Variants in ATP5MC3 observed in about 807,000 individuals in gnomAD.
ATP5MC3 encodes the protein ATP synthase F(0) complex subunit C3, mitochondrial.
A neutral mutation model predicts 15.6 loss-of-function variants in ATP5MC3; 6 were observed. That is an observed-to-expected ratio of 0.38 (90% confidence interval 0.21 to 0.76). The LOEUF is 0.76. ATP5MC3 is among the 30% of genes least tolerant of loss of function. ATP5MC3 has a pLI of 0.44. For synonymous variants in ATP5MC3, 66 were observed against 63.3 expected (o/e 1.04, Z -0.20); for missense variants, 132 against 171.2 (o/e 0.77, Z 1.28).
intron 4 of ATP5MC3, chr2:175,178,817 T>G: frequency 8.9e-7 from 1 of 1,117,418 alleles, no homozygotes; most frequent in Non-Finnish European, 1.1e-6. Context: ...TTTCTGACAT[T>G]TACTAGCTAT....
intron 3 of ATP5MC3, 40 bp from the exon 4 acceptor site, chr2:175,179,290 C>T (rs1700735172): frequency 6.5e-7 from 1 of 1,547,288 alleles, no homozygotes; most frequent in African/African-American, 1.4e-5. Flanking sequence ...GTATCAGTAA[C>T]CACAGGTAGC....
rs1700770997 is a variant in ATP5MC3 at position 175,181,446 on chromosome 2, G to A, written c.-53C>T. 1 of 1,607,346 alleles carries A rather than the reference G, an allele frequency of 6.2e-7. No individual in the cohort carries two copies. Among genetic ancestry groups the A allele is most frequent in the Non-Finnish European group, 8.5e-7 (1 of 1,175,962 alleles). On this transcript the variant is annotated 5_prime_UTR_variant, in exon 2 of 5. Coordinates refer to ENST00000284727, the MANE Select transcript of ATP5MC3 (RefSeq NM_001689.5). ...GAGATATTGGGTGACAGGCGACGTG[G>A]GCTCCTCTCCCGCTTCCTCTCTGCG...
At position 175,181,472 on chromosome 2, in the gene ATP5MC3, G is replaced by A. The variant is rs906765319; in HGVS notation, c.-73-6C>T. 4 of 1,568,134 alleles carry A rather than the reference G, an allele frequency of 2.6e-6. No individual in the cohort carries two copies. Among genetic ancestry groups the A allele is most frequent in the African/African-American group, 1.3e-5 (1 of 74,096 alleles). On this transcript the variant is annotated splice_region_variant and splice_polypyrimidine_tract_variant and intron_variant, in intron 1 of 4. Coordinates refer to ENST00000284727, the MANE Select transcript of ATP5MC3 (RefSeq NM_001689.5). Reference sequence around the variant, plus strand: ...GCTCCTCTCCCGCTTCCTCTCTGCGGAGGAAAAGAGGCTTAAGGTCAAGTG... The same window carrying A: ...GCTCCTCTCCCGCTTCCTCTCTGCGAAGGAAAAGAGGCTTAAGGTCAAGTG...
At position 175,178,431 on chromosome 2, in the gene ATP5MC3, T is replaced by C. The variant is rs139853278; in HGVS notation, c.315-29A>G. On this transcript the variant is annotated intron_variant, in intron 4 of 4. Coordinates refer to ENST00000284727, the MANE Select transcript of ATP5MC3 (RefSeq NM_001689.5). ...AAAGAGACCACATATGACTGTTACT[T>C]TGAAATATTAATTTCAACATGTTTG... The C allele has an allele frequency of 3.3e-4, 519 of 1,568,144 alleles. 3 individuals carry two copies. Among genetic ancestry groups the C allele is most frequent in the Admixed American group, 7.9e-4 (37 of 46,672 alleles).
chr2:175,178,462 T>C, intron 4 of ATP5MC3, 60 bp from the exon 5 acceptor site: 11 of 1,550,118 alleles, frequency 7.1e-6, no homozygotes, highest in Non-Finnish European at 9.5e-6. Flanking sequence ...GTTTGGTAAA[T>C]GTTAAAGAAT....
chr2:175,176,751 G>C lies in ATP5MC3; in HGVS notation c.*1537C>G, dbSNP rs569858236. 4.8e-4 allele frequency: 73 copies of C among 152,230 alleles called. No homozygotes were observed. The highest frequency in any genetic ancestry group is 1.7e-3 in the African/African-American group (69 of 41,534). The allele number at this position is 152,230 out of a possible 1,614,324, so 9.4% of individuals were successfully genotyped here. Reference sequence around the variant, plus strand: ...TCATATAAATGGAATCATGTGGCTGGCTTCTTCCACTTAGCATGCTTTCTT... The same window carrying C: ...TCATATAAATGGAATCATGTGGCTGCCTTCTTCCACTTAGCATGCTTTCTT... On this transcript the variant is annotated 3_prime_UTR_variant, in exon 5 of 5. Transcript: ENST00000284727.
Position 175,181,641 on chromosome 2 carries a change from G to A in ATP5MC3, c.-74+15C>T. 1 of 519,490 alleles carries A rather than the reference G, an allele frequency of 1.9e-6. No homozygotes were observed. The highest frequency in any genetic ancestry group is 3.4e-6 in the Non-Finnish European group (1 of 295,774). The allele number at this position is 519,490 out of a possible 1,614,324, so 32.2% of individuals were successfully genotyped here. ...CCGCCCTGGCCAGGCCGGGCTCCCT[G>A]TGCCCTCCACTTACCTTCCCAGGAG... On this transcript the variant is annotated intron_variant, in intron 1 of 4. Transcript: ENST00000284727.
chr2:175,178,465 TAAAG>T lies in ATP5MC3; in HGVS notation c.315-67_315-64del. ...TAATTTCAACATGTTTGGTAAATGT[TAAAG>T]AATCAGATTACTAGTGTGGGGATTT... On this transcript the variant is annotated intron_variant, in intron 4 of 4. Coordinates refer to ENST00000284727, the MANE Select transcript of ATP5MC3 (RefSeq NM_001689.5). 1.9e-6 allele frequency: 3 copies of T among 1,547,024 alleles called. No individual in the cohort carries two copies. In the South Asian group the frequency reaches 3.7e-5, roughly 19 times the overall value.
At position 175,178,369 on chromosome 2, in the gene ATP5MC3, A is replaced by G. The variant is rs8106; in HGVS notation, c.348T>C (p.Tyr116=). The G allele has an allele frequency of 0.062, 99,546 of 1,611,672 alleles. 3,581 individuals carry two copies. Among genetic ancestry groups the G allele is most frequent in the Non-Finnish European group, 0.071 (83,883 of 1,179,176 alleles). Residue 116 remains tyrosine, a synonymous_variant, in exon 5 of 5, where the codon TAT becomes TAC. Transcript: ENST00000284727. Reference sequence around the variant, plus strand: ...CAGACAAGGCAAATCCCAGGATAGCATATGAGAACAGCTGCTGCTTCAGCG... The same window carrying G: ...CAGACAAGGCAAATCCCAGGATAGCGTATGAGAACAGCTGCTGCTTCAGCG... The part of the protein sequence containing the change: ...NPSLKQQLFS[Y]AILGFALSEA...
rs776481245 is a variant in ATP5MC3 at position 175,180,194 on chromosome 2, A to G, written c.40-16T>C. 2 of 1,552,954 alleles carry G rather than the reference A, an allele frequency of 1.3e-6. No individual in the cohort carries two copies. Among genetic ancestry groups the G allele is most frequent in the Non-Finnish European group, 8.6e-7 (1 of 1,158,556 alleles). On this transcript the variant is annotated splice_polypyrimidine_tract_variant and intron_variant, in intron 2 of 4. Coordinates refer to ENST00000284727, the MANE Select transcript of ATP5MC3 (RefSeq NM_001689.5). ...CAGCTCGGATCTATTAATGAAAAAAAAATAAAGATTTCAATATTAAGAAAG... is the reference window on the plus strand; with the variant it reads ...CAGCTCGGATCTATTAATGAAAAAAGAATAAAGATTTCAATATTAAGAAAG...
intron 4 of ATP5MC3, 178 bp from the exon 5 acceptor site, chr2:175,178,580 G>T: frequency 1.5e-6 from 2 of 1,335,636 alleles, no homozygotes; most frequent in Middle Eastern, 2.7e-4. Flanking sequence ...ATGGTGTAAA[G>T]GTAGGGAGCT....
At position 175,181,577 on chromosome 2, in the gene ATP5MC3, G is replaced by A; in HGVS notation, c.-74+79C>T. ...TCAGCTTGGGCCCCGTGCCCAGTGA[G>A]GCGCCGGCACAATGAATGGGTCCCT... On this transcript the variant is annotated intron_variant, in intron 1 of 4. Coordinates refer to ENST00000284727, the MANE Select transcript of ATP5MC3 (RefSeq NM_001689.5). 4 of 685,316 alleles carry A rather than the reference G, an allele frequency of 5.8e-6. No individual in the cohort carries two copies. In the East Asian group the frequency reaches 1.2e-4, roughly 20 times the overall value. The allele number at this position is 685,316 out of a possible 1,614,324, so 42.5% of individuals were successfully genotyped here. A position where few individuals can be genotyped will look rare whatever the true frequency, so the allele number is the denominator to read the frequency against.
In ATP5MC3 at chr2:175,180,196, A is replaced by T; in HGVS notation, c.40-18T>A. On this transcript the variant is annotated intron_variant, in intron 2 of 4. Coordinates refer to ENST00000284727, the MANE Select transcript of ATP5MC3 (RefSeq NM_001689.5). ...GCTCGGATCTATTAATGAAAAAAAA[A>T]TAAAGATTTCAATATTAAGAAAGAA... is the stretch of plus-strand genomic sequence containing the variant. 1 of 1,550,480 alleles carries T rather than the reference A, an allele frequency of 6.4e-7. No individual in the cohort carries two copies. Among genetic ancestry groups the T allele is most frequent in the Non-Finnish European group, 8.6e-7 (1 of 1,156,898 alleles).
intron 2 of ATP5MC3, 131 bp from the exon 3 acceptor site, chr2:175,180,309 C>G (rs1190082263): frequency 3.4e-6 from 2 of 589,760 alleles, no homozygotes; most frequent in East Asian, 3.4e-5. Flanking sequence ...TGAATTGACT[C>G]TTTGCTGTTT....
intron 3 of ATP5MC3, among the ~76,000 whole-genome samples, 183 bp from the exon 4 acceptor site, chr2:175,179,433 A>G (rs1294272971): frequency 6.6e-6 from 1 of 152,208 alleles, no homozygotes; most frequent in Non-Finnish European, 1.5e-5. Context: ...TACATCTTAA[A>G]AGGGTGTTGA....
chr2:175,179,311 A>G, intron 3 of ATP5MC3, 61 bp from the exon 4 acceptor site: 2 of 1,519,052 alleles, frequency 1.3e-6, no homozygotes, highest in Non-Finnish European at 1.8e-6. Flanking sequence ...TATTTTAATT[A>G]AATACCATAT....
At chr2:175,178,969 C>A in intron 4 of ATP5MC3, 88 bp downstream of exon 4, 1 of 1,535,716 alleles carries the variant, frequency 6.5e-7, no homozygotes, top group South Asian at 1.2e-5. Context: ...AGAGTAAGCA[C>A]TTAATGCAAA....
chr2:175,181,572 AGTG>A, intron 1 of ATP5MC3, 81 bp downstream of exon 1: 1 of 712,440 alleles, frequency 1.4e-6, no homozygotes, highest in Non-Finnish European at 2.3e-6. Flanking sequence ...CCCCGTGCCC[AGTG>A]AGGCGCCGGC....
At position 175,177,094 on chromosome 2, in the gene ATP5MC3, A is replaced by C. The variant is rs2105412155; in HGVS notation, c.*1194T>G. On this transcript the variant is annotated 3_prime_UTR_variant, in exon 5 of 5. Transcript: ENST00000284727. Reference sequence around the variant, plus strand: ...GGTAGGATATATATATAACTTAGTGACTCTCAAACAGTATGCACAAAAACC... The same window carrying C: ...GGTAGGATATATATATAACTTAGTGCCTCTCAAACAGTATGCACAAAAACC... The C allele has an allele frequency of 6.6e-6, 1 of 152,116 alleles. No individual in the cohort carries two copies. Among genetic ancestry groups the C allele is most frequent in the African/African-American group, 2.4e-5 (1 of 41,490 alleles). 9.4% of individuals were successfully genotyped at this position (152,116 alleles called of 1,614,324 possible).
Sources: allele counts gnomAD v4.1 joint callset (sites outside exome capture counted in the v4.1 genomes callset), GRCh38; gene constraint gnomAD v4.1.1; transcripts MANE v1.5; gene names NCBI Gene and HGNC (gene_info 2026-07-23, HGNC 2026-07-21).